Variants in SNTG2 observed in about 807,000 individuals in gnomAD.
SNTG2 encodes the protein syntrophin gamma 2.
Under a neutral mutation model 70.9 loss-of-function variants are expected in SNTG2, and 74 were observed. The ratio of observed to expected loss-of-function variants is 1.04; its 90% confidence interval spans 0.86 to 1.27. The LOEUF is 1.27. Ranked by LOEUF, SNTG2 falls within the 50% of genes most tolerant of loss-of-function variation. SNTG2 has a pLI of 0.00. For synonymous variants in SNTG2, 278 were observed against 273.8 expected, an observed-to-expected ratio of 1.02 and a Z score of -0.15; for missense variants, 717 against 690.7, an observed-to-expected ratio of 1.04 and a Z score of -0.43.
At chr2:1,046,682 T>A (rs1661755101) in intron 1 of SNTG2, among the ~76,000 whole-genome samples, 1 of 152,174 alleles carries the variant, frequency 6.6e-6, no homozygotes. Context: ...TGAATATAGG[T>A]CTCCAATCTC....
intron 4 of SNTG2, among the ~76,000 whole-genome samples, chr2:1,127,690 G>GGTGT: frequency 6.6e-6 from 1 of 151,614 alleles, no homozygotes; most frequent in Non-Finnish European, 1.5e-5. Flanking sequence ...TATTCCAAGG[G>GGTGT]GTGTGTGTGT....
chr2:1,309,150 T>A (rs1286543769), intron 15 of SNTG2, among the ~76,000 whole-genome samples: 4 of 152,210 alleles, frequency 2.6e-5, no homozygotes, highest in Non-Finnish European at 5.9e-5. Context: ...ATGGAAAGTG[T>A]TGGTAAGATA....
Position 1,267,493 on chromosome 2 carries a change from C to T in SNTG2, c.1206C>T (p.Asn402=), listed in dbSNP as rs371202003. Residue 402 remains asparagine (N), a synonymous_variant, in exon 14 of 17, where the codon AAC becomes AAT. Transcript: ENST00000308624. The part of the protein sequence containing the change: ...VAGHGKSHVF[N]VELGSELAMW... ...GCCATGGGAAGAGCCATGTTTTCAA[C>T]GTGGAGCTTGGCAGCGAGCTGGCCA... 35 of 1,613,774 alleles carry T rather than the reference C, an allele frequency of 2.2e-5. No homozygotes were observed. Among genetic ancestry groups the T allele is most frequent in the South Asian group, 1.1e-4 (10 of 91,064 alleles).
intron 16 of SNTG2, among the ~76,000 whole-genome samples, chr2:1,324,261 A>G (rs1032053540): frequency 6.6e-6 from 1 of 152,232 alleles, no homozygotes; most frequent in African/African-American, 2.4e-5. Flanking sequence ...AGAGTGGCAG[A>G]AATGAGCCTT....
chr2:1,293,994 A>C (rs943365500), intron 14 of SNTG2, among the ~76,000 whole-genome samples: 38 of 152,326 alleles, frequency 2.5e-4, no homozygotes, highest in African/African-American at 9.1e-4. Context: ...CTGGGGTCCA[A>C]GTCAGACGGT....
rs1405156324 is a variant in SNTG2, at chr2:968,898, GT to G, written c.72+17834del. ...ATTAGGTCCTATTTGTCAATGTTTG[GT>G]TTTGTTCCAATTGCTTTTGGAGTCT... On this transcript the variant is annotated intron_variant, in intron 1 of 16. Transcript: ENST00000308624. Among the ~76,000 whole-genome samples the G allele has an allele frequency of 2.0e-5, 3 of 151,934 alleles. No individual in the cohort carries two copies. In the East Asian group the frequency reaches 5.8e-4, roughly 29 times the overall value.
chr2:1,272,361 A>G (rs1679068032), intron 14 of SNTG2, among the ~76,000 whole-genome samples: 1 of 149,448 alleles, frequency 6.7e-6, no homozygotes, highest in African/African-American at 2.5e-5. Flanking sequence ...AGAATCTAAT[A>G]CTTCTGCTCA....
chr2:1,265,938 T>C (rs978579495), intron 13 of SNTG2, among the ~76,000 whole-genome samples: 2 of 151,952 alleles, frequency 1.3e-5, no homozygotes, highest in African/African-American at 4.8e-5. Flanking sequence ...TGCAGCAAAA[T>C]TGATGTTGGG....
rs1398142914 is a variant in SNTG2 at position 1,261,104 on chromosome 2, TAATA to T, written c.1077+1667_1077+1670del. Among the ~76,000 whole-genome samples the T allele has an allele frequency of 9.2e-5, 14 of 152,178 alleles. 1 individual carries two copies. Among genetic ancestry groups the T allele is most frequent in the Middle Eastern group, 3.4e-3 (1 of 292 alleles). ...TTAAACTAAAAAATGGGGTAAATAA[TAATA>T]AATCTATGGCATTCAATATTTTTAA... On this transcript the variant is annotated intron_variant, in intron 13 of 16. Coordinates refer to ENST00000308624, the MANE Select transcript of SNTG2 (RefSeq NM_018968.4).
At position 1,034,472 on chromosome 2, in the gene SNTG2, C is replaced by T. The variant is rs977366009; in HGVS notation, c.73-49046C>T. On this transcript the variant is annotated intron_variant, in intron 1 of 16. Transcript: ENST00000308624. ...GATTTATATTTCTTTGGGTATATAC[C>T]CAGTAATGCAATGGCTGGGTCAAAT... 3.9e-5 allele frequency among the ~76,000 whole-genome samples: 6 copies of T among 151,936 alleles called. No individual in the cohort carries two copies. In the East Asian group the frequency reaches 9.6e-4, roughly 24 times the overall value.
chr2:1,277,493 A>G (rs1163672597), intron 14 of SNTG2, among the ~76,000 whole-genome samples: 1 of 152,268 alleles, frequency 6.6e-6, no homozygotes, highest in Non-Finnish European at 1.5e-5. Flanking sequence ...CTTCTTAGAC[A>G]TAATGCTTTG....
chr2:1,009,192 TGG>T, intron 1 of SNTG2, among the ~76,000 whole-genome samples: 1 of 84,938 alleles, frequency 1.2e-5, no homozygotes, highest in Non-Finnish European at 2.7e-5. Context: ...GATACTGGTG[TGG>T]GTCGTGTGTA....
At chr2:987,597 T>A (rs1378281470) in intron 1 of SNTG2, among the ~76,000 whole-genome samples, 1 of 152,082 alleles carries the variant, frequency 6.6e-6, no homozygotes, top group Non-Finnish European at 1.5e-5. Flanking sequence ...CCGAGAACTC[T>A]GAAAGCCGAG....
intron 4 of SNTG2, among the ~76,000 whole-genome samples, chr2:1,124,701 A>C (rs1404317594): frequency 6.6e-6 from 1 of 152,168 alleles, no homozygotes; most frequent in African/African-American, 2.4e-5. Flanking sequence ...GGGAAATACC[A>C]CATGACCTCA....
chr2:1,354,028 G>A (rs1660719437), intron 16 of SNTG2, among the ~76,000 whole-genome samples: 1 of 152,152 alleles, frequency 6.6e-6, no homozygotes, highest in Non-Finnish European at 1.5e-5. Flanking sequence ...CGTCCTAAAA[G>A]TTTTACCTAA....
chr2:1,137,500 A>G, intron 4 of SNTG2, 122 bp from the exon 5 acceptor site: 1 of 937,642 alleles, frequency 1.1e-6, no homozygotes, highest in Non-Finnish European at 1.6e-6. Context: ...ACGTGGACAC[A>G]TGCACACACA....
At chr2:1,208,348 C>A (rs1673797668) in intron 8 of SNTG2, among the ~76,000 whole-genome samples, 1 of 129,048 alleles carries the variant, frequency 7.7e-6, no homozygotes, top group Non-Finnish European at 1.7e-5. Context: ...CTGTGAGGCG[C>A]GTTCTTGCCG....
At chr2:1,019,220 A>C (rs2148007281) in intron 1 of SNTG2, among the ~76,000 whole-genome samples, 1 of 152,272 alleles carries the variant, frequency 6.6e-6, no homozygotes, top group Non-Finnish European at 1.5e-5. Context: ...ATGAGGTTGA[A>C]ATCAGACAGG....
intron 16 of SNTG2, among the ~76,000 whole-genome samples, chr2:1,340,703 AT>A (rs1303261933): frequency 6.6e-6 from 1 of 152,186 alleles, no homozygotes; most frequent in Non-Finnish European, 1.5e-5. Context: ...TTTTATTATT[AT>A]TTGCATTAAT....
Sources: allele counts gnomAD v4.1 joint callset (sites outside exome capture counted in the v4.1 genomes callset), GRCh38; gene constraint gnomAD v4.1.1; transcripts MANE v1.5; gene names NCBI Gene and HGNC (gene_info 2026-07-23, HGNC 2026-07-21).